Variants in SUMF2 observed in about 807,000 individuals in gnomAD.
SUMF2 encodes the protein inactive C-alpha-formylglycine-generating enzyme 2.
In SUMF2, 45 loss-of-function variants were observed where a neutral mutation model predicts 44.8. The ratio of observed to expected loss-of-function variants is 1.00; its 90% CI spans 0.79 to 1.29. SUMF2 has a LOEUF of 1.29. SUMF2 is among the 50% of genes most tolerant of loss of function. The pLI is 0.00. For missense variants in SUMF2, 418 were observed against 389.9 expected (o/e 1.07, Z -0.61); for synonymous variants, 148 against 150.4 (o/e 0.98, Z 0.12).
At chr7:56,084,307 G>A (rs1327788630), downstream of SUMF2, 1 of 959,660 alleles carries the variant, frequency 1.0e-6, no homozygotes, top group Non-Finnish European at 1.6e-6. Flanking sequence ...GAGGCTGAAA[G>A]AGGGGACTAT....
At position 56,069,233 on chromosome 7, in the gene SUMF2, C is replaced by T. The variant is rs565971721; in HGVS notation, c.224+595C>T. On this transcript the variant is annotated intron_variant, in intron 2 of 8. Coordinates refer to ENST00000434526, the MANE Select transcript of SUMF2 (RefSeq NM_015411.4). ...CATAGCACTGAGAAATATAAGCAAA[C>T]GCCAGTCACTCAACAGAAACCTCTT... is the stretch of plus-strand genomic sequence containing the variant. Among the ~76,000 whole-genome samples the T allele has an allele frequency of 1.6e-3, 247 of 152,124 alleles. 2 individuals carry two copies. Among genetic ancestry groups the T allele is most frequent in the Non-Finnish European group, 1.8e-3 (121 of 68,006 alleles).
intron 6 of SUMF2, 39 bp downstream of exon 6, chr7:56,076,928 A>C: frequency 6.3e-7 from 1 of 1,584,282 alleles, no homozygotes; most frequent in Non-Finnish European, 8.6e-7. Flanking sequence ...GCATTGACAG[A>C]GACCTGCTGG....
At chr7:56,086,852 G>A in the SUMF2 span, 1 of 817,674 alleles carries the variant, frequency 1.2e-6, no homozygotes, top group Non-Finnish European at 2.2e-6. Flanking sequence ...CACCGTGATT[G>A]TATTTGGCAT....
downstream of SUMF2, among the ~76,000 whole-genome samples, chr7:56,084,902 T>G (rs1393574883): frequency 6.6e-6 from 1 of 152,168 alleles, no homozygotes; most frequent in Non-Finnish European, 1.5e-5. Flanking sequence ...TAAAGACATT[T>G]GAGCTGTCCC....
downstream of SUMF2, chr7:56,084,257 C>T: frequency 6.9e-7 from 1 of 1,454,550 alleles, no homozygotes; most frequent in Non-Finnish European, 9.3e-7. Flanking sequence ...GTGGAAGTGA[C>T]AGTGTGGACT....
chr7:56,072,664 A>G (rs7811889), intron 2 of SUMF2, among the ~76,000 whole-genome samples: 27,350 of 151,968 alleles, frequency 0.18, 2,766 homozygotes, highest in Admixed American at 0.24. Flanking sequence ...CGGAGCTTGC[A>G]GTGAGCCGAG....
chr7:56,085,579 T>C (rs542905426), downstream of SUMF2, among the ~76,000 whole-genome samples: 1 of 152,310 alleles, frequency 6.6e-6, no homozygotes, highest in Admixed American at 6.5e-5. Flanking sequence ...ATGCAACCTC[T>C]ACCACCTGCC....
At chr7:56,084,157 G>T (rs927990584), downstream of SUMF2, 13 of 1,526,272 alleles carry the variant, frequency 8.5e-6, 1 homozygote, top group Admixed American at 9.8e-5. Flanking sequence ...ACCTTGCCCT[G>T]CCCTGGGCCC....
intron 5 of SUMF2, among the ~76,000 whole-genome samples, chr7:56,075,466 G>T (rs757049290): frequency 1.3e-5 from 2 of 152,042 alleles, no homozygotes; most frequent in African/African-American, 2.4e-5. Context: ...GGAGGCCGAG[G>T]TGGGTGGATC....
chr7:56,076,807 T>G, intron 5 of SUMF2, 27 bp from the exon 6 acceptor site: 1 of 1,576,674 alleles, frequency 6.3e-7, no homozygotes, highest in South Asian at 1.2e-5. Context: ...CTCCCCCTCC[T>G]CTGCTGCCTC....
chr7:56,085,208 G>C (rs1796202585), downstream of SUMF2, among the ~76,000 whole-genome samples: 1 of 151,936 alleles, frequency 6.6e-6, no homozygotes, highest in African/African-American at 2.4e-5. Flanking sequence ...TGATCCGCCT[G>C]CCTCAGCCTC....
intron 2 of SUMF2, among the ~76,000 whole-genome samples, chr7:56,070,476 A>T (rs73126314): frequency 0.086 from 13,086 of 151,858 alleles, 791 homozygotes; most frequent in Non-Finnish European, 0.13. Context: ...TTAAAAAAAA[A>T]AAAATTAGCC....
intron 3 of SUMF2, 65 bp downstream of exon 3, chr7:56,073,176 A>G (rs773119322): frequency 7.8e-7 from 1 of 1,277,812 alleles, no homozygotes; most frequent in East Asian, 2.3e-5. Flanking sequence ...ATCCTGTGGG[A>G]CATGGGTTAC....
intron 1 of SUMF2, 133 bp downstream of exon 1, chr7:56,064,511 T>C: frequency 1.5e-6 from 2 of 1,292,064 alleles, no homozygotes; most frequent in South Asian, 2.9e-5. Context: ...GAGGTAGCTC[T>C]CGGTGCGCGT....
downstream of SUMF2, chr7:56,082,370 C>T: frequency 1.4e-6 from 1 of 714,476 alleles, no homozygotes; most frequent in East Asian, 2.7e-5. Flanking sequence ...AGGCAGGTGG[C>T]TCATCTGAGG....
intron 2 of SUMF2, among the ~76,000 whole-genome samples, chr7:56,071,116 C>T (rs1012920729): frequency 2.0e-5 from 3 of 152,162 alleles, no homozygotes; most frequent in African/African-American, 7.2e-5. Context: ...CCTGTAGTCC[C>T]AACACTTTGG....
the SUMF2 span, chr7:56,086,759 T>G: frequency 2.1e-5 from 12 of 569,144 alleles, no homozygotes; most frequent in Non-Finnish European, 3.5e-5. Context: ...AAAACCAAGA[T>G]TTAAAGAAAT....
At chr7:56,074,449 A>G (rs933706779) in intron 4 of SUMF2, 137 bp from the exon 5 acceptor site, 1 of 1,207,722 alleles carries the variant, frequency 8.3e-7, no homozygotes, top group Non-Finnish European at 1.2e-6. Flanking sequence ...GACTCCGACC[A>G]CTGGTCACTC....
intron 2 of SUMF2, among the ~76,000 whole-genome samples, chr7:56,072,363 T>G (rs190276868): frequency 2.0e-5 from 3 of 151,406 alleles, no homozygotes; most frequent in Non-Finnish European, 4.4e-5. Flanking sequence ...GAGGTGGAGG[T>G]TGCAGTGAGC....
Sources: gnomAD v4.1 joint callset for allele counts (sites outside exome capture counted in the v4.1 genomes callset) on GRCh38, gnomAD v4.1.1 for gene constraint, MANE v1.5 for transcripts, NCBI Gene and HGNC (gene_info 2026-07-23, HGNC 2026-07-21) for gene names.